CEP126: variants seen among roughly 807,000 people sequenced by gnomAD.
CEP126 encodes centrosomal protein of 126 kDa.
A neutral mutation model predicts 107.8 loss-of-function variants in CEP126; 74 were observed. That is an observed-to-expected ratio of 0.69 (90% CI 0.57 to 0.83). The LOEUF (loss-of-function observed/expected upper bound fraction) is 0.83. Ranked by LOEUF, CEP126 falls within the 40% of genes least tolerant of loss-of-function variation. The probability of loss-of-function intolerance (pLI) is 0.00; values close to 1 mark genes in which losing one functional copy is unlikely to be tolerated. For synonymous variants in CEP126, 449 were observed against 446.0 expected (o/e 1.01, Z -0.08); for missense variants, 1,237 against 1,281.9 (o/e 0.96, Z 0.53).
At chr11:101,987,666 A>T (rs199916250) in intron 9 of CEP126, among the ~76,000 whole-genome samples, 2 of 23,156 alleles carry the variant, frequency 8.6e-5, no homozygotes, top group South Asian at 3.5e-3. Context: ...ATTTTTTTCT[A>T]AAAAAAAAAA....
Position 101,944,426 on chromosome 11 carries a change from G to C in CEP126, c.394+16G>C. 6.2e-7 allele frequency: 1 copy of C among 1,601,758 alleles called. No individual in the cohort carries two copies. The highest frequency in any genetic ancestry group is 8.5e-7 in the Non-Finnish European group (1 of 1,176,046). On this transcript the variant is annotated intron_variant, in intron 3 of 10. Coordinates refer to ENST00000263468, the MANE Select transcript of CEP126 (RefSeq NM_020802.4). The stretch of plus-strand genomic sequence containing the variant: ...AGGAAAGCAGGTGCCTTAATTTCTA[G>C]AACAGTATGAGAACATAAAGTTTTA...
rs1386845298 is a variant in CEP126, at chr11:101,991,162, G to A, written c.3245-1616G>A. On this transcript the variant is annotated intron_variant, in intron 9 of 10. Coordinates refer to ENST00000263468, the MANE Select transcript of CEP126 (RefSeq NM_020802.4). ...ACTGCACTCCTCCTTGGGCAACGGA[G>A]GGAGACCCTGTCTCAAAATAAATAA... Among the ~76,000 whole-genome samples the A allele has an allele frequency of 2.0e-5, 3 of 152,056 alleles. No individual in the cohort carries two copies. In the East Asian group the frequency reaches 5.8e-4, roughly 29 times the overall value.
chr11:101,946,213 G>T (rs570845554), intron 3 of CEP126, among the ~76,000 whole-genome samples: 2 of 152,104 alleles, frequency 1.3e-5, no homozygotes, highest in Admixed American at 1.3e-4. Context: ...ATATTCAAGA[G>T]ATATAATCAC....
chr11:101,937,303 A>G, intron 2 of CEP126, among the ~76,000 whole-genome samples: 1 of 152,192 alleles, frequency 6.6e-6, no homozygotes, highest in African/African-American at 2.4e-5. Flanking sequence ...ACTTATTCAC[A>G]CTTAAGTACT....
At chr11:101,954,428 T>C (rs930179034) in intron 4 of CEP126, among the ~76,000 whole-genome samples, 19 of 152,188 alleles carry the variant, frequency 1.2e-4, no homozygotes, top group African/African-American at 4.1e-4. Flanking sequence ...AGAGTTAAAC[T>C]GTCAGAACAA....
intron 9 of CEP126, among the ~76,000 whole-genome samples, chr11:101,988,189 G>A (rs1254902363): frequency 1.3e-5 from 2 of 152,102 alleles, no homozygotes; most frequent in African/African-American, 4.8e-5. Flanking sequence ...CAGGGAATAA[G>A]AAACTATAAA....
intron 5 of CEP126, among the ~76,000 whole-genome samples, chr11:101,959,193 T>C (rs538048412): frequency 9.2e-5 from 14 of 151,374 alleles, no homozygotes; most frequent in African/African-American, 3.4e-4. Flanking sequence ...AGTCTCACTC[T>C]GTCACCAGGC....
intron 1 of CEP126, among the ~76,000 whole-genome samples, chr11:101,919,464 A>G (rs1328911203): frequency 3.3e-5 from 5 of 152,124 alleles, no homozygotes; most frequent in African/African-American, 1.2e-4. Context: ...TTAAGTATAT[A>G]AAAATTCCCT....
chr11:101,957,015 G>A, intron 4 of CEP126: 1 of 304,680 alleles, frequency 3.3e-6, no homozygotes, highest in South Asian at 2.9e-5. Flanking sequence ...GACTGAAGGG[G>A]AAGGATTATC....
At chr11:101,915,690 A>C (rs1259566029) in intron 1 of CEP126, among the ~76,000 whole-genome samples, 2 of 152,210 alleles carry the variant, frequency 1.3e-5, no homozygotes, top group Non-Finnish European at 2.9e-5. Flanking sequence ...TCAACTGTGT[A>C]TTCTGTGGGG....
chr11:101,964,958 A>G (rs1365720654), intron 6 of CEP126, among the ~76,000 whole-genome samples: 5 of 152,206 alleles, frequency 3.3e-5, no homozygotes, highest in Non-Finnish European at 7.3e-5. Flanking sequence ...GCTATAAACT[A>G]ATATTAATTA....
intron 7 of CEP126, among the ~76,000 whole-genome samples, chr11:101,979,985 A>G (rs187219267): frequency 2.6e-5 from 4 of 152,322 alleles, no homozygotes; most frequent in Admixed American, 2.0e-4. Flanking sequence ...TGAAGAATTT[A>G]TATTCCAAGT....
intron 3 of CEP126, among the ~76,000 whole-genome samples, chr11:101,946,895 GTGCCTCTAT>G (rs1940744456): frequency 6.6e-6 from 1 of 152,138 alleles, no homozygotes; most frequent in Non-Finnish European, 1.5e-5. Flanking sequence ...AAGGAGAACA[GTGCCTCTAT>G]AAATTAGCAG....
intron 2 of CEP126, among the ~76,000 whole-genome samples, chr11:101,929,342 C>G (rs1940458692): frequency 6.6e-6 from 1 of 152,136 alleles, no homozygotes; most frequent in Non-Finnish European, 1.5e-5. Context: ...TTATTTAAAC[C>G]TTAAACTTTA....
At chr11:101,933,658 C>A (rs1241100881) in intron 2 of CEP126, among the ~76,000 whole-genome samples, 1 of 152,082 alleles carries the variant, frequency 6.6e-6, no homozygotes, top group Non-Finnish European at 1.5e-5. Flanking sequence ...GACAAACTTA[C>A]TTTGCCAGCA....
At chr11:101,984,459 G>A (rs1019605225) in intron 8 of CEP126, among the ~76,000 whole-genome samples, 1 of 152,142 alleles carries the variant, frequency 6.6e-6, no homozygotes, top group Non-Finnish European at 1.5e-5. Flanking sequence ...TATCAAAGAG[G>A]TTATTAACAT....
intron 2 of CEP126, among the ~76,000 whole-genome samples, chr11:101,936,210 G>T (rs1295096691): frequency 1.3e-5 from 2 of 151,588 alleles, no homozygotes; most frequent in African/African-American, 2.4e-5. Context: ...CCTTTATTTT[G>T]GTTTGGGTTT....
At chr11:101,964,522 G>C (rs1344561650) in intron 6 of CEP126, among the ~76,000 whole-genome samples, 1 of 151,902 alleles carries the variant, frequency 6.6e-6, no homozygotes, top group Non-Finnish European at 1.5e-5. Context: ...AATCCCTGCT[G>C]CCTGGGAGGA....
intron 4 of CEP126, among the ~76,000 whole-genome samples, chr11:101,955,098 A>T (rs983090633): frequency 6.6e-6 from 1 of 152,220 alleles, no homozygotes; most frequent in Non-Finnish European, 1.5e-5. Context: ...GAGAAAAAAA[A>T]TATATGATAA....
Sources: allele counts gnomAD v4.1 joint callset (sites outside exome capture counted in the v4.1 genomes callset), GRCh38; gene constraint gnomAD v4.1.1; transcripts MANE v1.5; gene names NCBI Gene and HGNC (gene_info 2026-07-23, HGNC 2026-07-21).